The following GDPD5 variants were observed in gnomAD, a reference collection of about 807,000 sequenced individuals.
The protein encoded by GDPD5 is glycerophosphodiester phosphodiesterase 2.
In GDPD5, 48 loss-of-function variants were observed where a neutral mutation model predicts 75.1. That is an observed-to-expected ratio of 0.64 (90% CI 0.51 to 0.81). GDPD5 has a LOEUF of 0.81. Among genes scored for constraint, GDPD5 ranks in the 40% least tolerant of loss-of-function variants. The pLI, the probability that GDPD5 is intolerant of heterozygous loss-of-function variation, is 0.00. For synonymous variants in GDPD5, 336 were observed against 339.0 expected (o/e 0.99, Z 0.10); for missense variants, 706 against 822.6 (o/e 0.86, Z 1.73).
chr11:75,479,352 G>GTA (rs1407715951), intron 2 of GDPD5: 1 of 152,176 alleles, frequency 6.6e-6, no homozygotes, highest in Non-Finnish European at 1.5e-5. Context: ...CATATGTTCT[G>GTA]TACCAGGCCC....
intron 12 of GDPD5, 30 bp from the exon 13 acceptor site, chr11:75,441,833 T>G: frequency 6.3e-7 from 1 of 1,591,854 alleles, no homozygotes; most frequent in Non-Finnish European, 8.5e-7. Flanking sequence ...AGCCTCAGAC[T>G]TCTCTTCTGC....
At chr11:75,494,436 C>T (rs1157912515) in intron 1 of GDPD5, among the ~76,000 whole-genome samples, 2 of 151,680 alleles carry the variant, frequency 1.3e-5, no homozygotes, top group African/African-American at 2.4e-5. Flanking sequence ...AGGCTGGTCT[C>T]GAACTCCTGA....
chr11:75,475,634 G>A lies in GDPD5; in HGVS notation c.117+1985C>T, dbSNP rs188894017. Among the ~76,000 whole-genome samples, 546 of 152,254 alleles carry A rather than the reference G, an allele frequency of 3.6e-3. 6 individuals are homozygous for A. Among genetic ancestry groups the A allele is most frequent in the African/African-American group, 0.013 (528 of 41,548 alleles). ...AGTAGGAGGAGACAGGGGGCGGAGCGAAGTGAGCGACTGCAGGGAGAAAGG... is the reference window on the plus strand; with the variant it reads ...AGTAGGAGGAGACAGGGGGCGGAGCAAAGTGAGCGACTGCAGGGAGAAAGG... On this transcript the variant is annotated intron_variant, in intron 3 of 16. Transcript: ENST00000336898.
intron 1 of GDPD5, among the ~76,000 whole-genome samples, chr11:75,515,402 C>G (rs968195667): frequency 7.9e-5 from 12 of 152,214 alleles, no homozygotes; most frequent in Non-Finnish European, 1.5e-4. Flanking sequence ...AAGAACCACA[C>G]CCCCCACCTA....
At chr11:75,486,671 T>C (rs529373460) in intron 2 of GDPD5, among the ~76,000 whole-genome samples, 17 of 152,190 alleles carry the variant, frequency 1.1e-4, no homozygotes, top group African/African-American at 3.9e-4. Flanking sequence ...CCTCCACCTA[T>C]CCTCAATGCC....
chr11:75,454,511 C>T (rs940862818), intron 6 of GDPD5, among the ~76,000 whole-genome samples: 3 of 152,246 alleles, frequency 2.0e-5, no homozygotes, highest in Non-Finnish European at 4.4e-5. Context: ...ACCACCACAT[C>T]GTCCTGGCAA....
At chr11:75,512,304 A>ACACACACACACACACACACACACACC (rs1950540011) in intron 1 of GDPD5, among the ~76,000 whole-genome samples, 1 of 151,390 alleles carries the variant, frequency 6.6e-6, no homozygotes, top group African/African-American at 2.4e-5. Flanking sequence ...ACACACACAC[A>ACACACACACACACACACACACACACC]CACACACACA....
At chr11:75,467,612 T>C (rs1456426856) in intron 3 of GDPD5, among the ~76,000 whole-genome samples, 4 of 150,926 alleles carry the variant, frequency 2.7e-5, no homozygotes, top group African/African-American at 9.8e-5. Flanking sequence ...CCAGGAGGAG[T>C]GTGCTGGAGA....
chr11:75,521,022 C>G (rs150884187), intron 1 of GDPD5, among the ~76,000 whole-genome samples: 20 of 152,356 alleles, frequency 1.3e-4, no homozygotes, highest in African/African-American at 4.8e-4. Context: ...CCCGTCATAC[C>G]ACATCCTCTG....
intron 1 of GDPD5, chr11:75,490,834 C>T (rs972061366): frequency 6.6e-6 from 1 of 152,412 alleles, no homozygotes; most frequent in African/African-American, 2.4e-5. Flanking sequence ...CACCACCTCC[C>T]CCATTGCCAG....
chr11:75,519,078 C>T (rs1296958435), intron 1 of GDPD5, among the ~76,000 whole-genome samples: 8 of 152,168 alleles, frequency 5.3e-5, no homozygotes, highest in Admixed American at 5.2e-4. Context: ...ACTTCCTCCC[C>T]ACCTGCCTTT....
Position 75,472,778 on chromosome 11 carries a change from C to T in GDPD5, c.117+4841G>A, listed in dbSNP as rs895337508. Among the ~76,000 whole-genome samples the T allele has an allele frequency of 5.9e-5, 9 of 152,116 alleles. 1 individual carries two copies. Among genetic ancestry groups the T allele is most frequent in the Admixed American group, 5.9e-4 (9 of 15,274 alleles). The stretch of plus-strand genomic sequence containing the variant: ...TCCGAGGACCTCCTCTGAGTCAGGT[C>T]CCTGGAGTGTGCAGGCCCAGACGCT... On this transcript the variant is annotated intron_variant, in intron 3 of 16. Coordinates refer to ENST00000336898, the MANE Select transcript of GDPD5 (RefSeq NM_030792.8).
intron 8 of GDPD5, 42 bp from the exon 9 acceptor site, chr11:75,449,164 G>A: frequency 6.5e-7 from 1 of 1,542,222 alleles, no homozygotes; most frequent in African/African-American, 1.4e-5. Context: ...TGAGCCCTGG[G>A]CAGGTTGGGG....
rs146608760 is a variant in GDPD5, at chr11:75,461,428, T to A, written c.221+1358A>T. Reference sequence around the variant, plus strand: ...GGTGGGACCGCAGCATATTCTTGATTGTGCTCATTAATAAGAGAGGCACAG... The same window carrying A: ...GGTGGGACCGCAGCATATTCTTGATAGTGCTCATTAATAAGAGAGGCACAG... On this transcript the variant is annotated intron_variant, in intron 4 of 16. Coordinates refer to ENST00000336898, the MANE Select transcript of GDPD5 (RefSeq NM_030792.8). Among the ~76,000 whole-genome samples the A allele has an allele frequency of 2.0e-5, 3 of 152,296 alleles. No individual in the cohort carries two copies. The East Asian group carries it at 5.8e-4, about 29-fold the overall frequency.
intron 2 of GDPD5, among the ~76,000 whole-genome samples, chr11:75,483,100 A>T (rs374078546): frequency 4.9e-4 from 74 of 152,034 alleles, no homozygotes; most frequent in African/African-American, 1.7e-3. Context: ...GGATAATGGC[A>T]TTACTTAGGT....
intron 1 of GDPD5, among the ~76,000 whole-genome samples, chr11:75,501,940 G>A (rs1353322695): frequency 1.3e-5 from 2 of 152,028 alleles, no homozygotes; most frequent in African/African-American, 4.8e-5. Flanking sequence ...AATGACCCGC[G>A]CCAAACACCT....
At chr11:75,449,845 G>T in intron 7 of GDPD5, 40 bp downstream of exon 7, 3 of 1,580,548 alleles carry the variant, frequency 1.9e-6, no homozygotes, top group Non-Finnish European at 2.6e-6. Flanking sequence ...TGACAGAAAG[G>T]CTCTTGTTGT....
chr11:75,465,483 G>A (rs928155241), intron 3 of GDPD5, among the ~76,000 whole-genome samples: 3 of 151,980 alleles, frequency 2.0e-5, no homozygotes, highest in Admixed American at 6.5e-5. Context: ...TATACATGTC[G>A]GTCTCCCTGC....
intron 8 of GDPD5, 104 bp from the exon 9 acceptor site, chr11:75,449,226 GGGGAAGCCCTTATTCTTGCT>G (rs1949065991): frequency 1.5e-6 from 2 of 1,370,034 alleles, no homozygotes; most frequent in African/African-American, 3.0e-5. Flanking sequence ...GGTGCTCTAG[GGGGAAGCCCTTATTCTTGCT>G]GGGAAGATGA....
Sources: allele counts gnomAD v4.1 joint callset (sites outside exome capture counted in the v4.1 genomes callset), GRCh38; gene constraint gnomAD v4.1.1; transcripts MANE v1.5; gene names NCBI Gene and HGNC (gene_info 2026-07-23, HGNC 2026-07-21).